Variants in APPL1 observed in about 807,000 individuals in gnomAD.
APPL1 encodes the protein adaptor protein, phosphotyrosine interacting with PH domain and leucine zipper 1.
A neutral mutation model predicts 106.8 loss-of-function variants in APPL1; 42 were observed. The observed-to-expected ratio is 0.39, with a 90% CI of 0.31 to 0.51. The LOEUF is 0.51. Ranked by LOEUF, APPL1 falls within the 20% of genes least tolerant of loss-of-function variation. The pLI is 0.75. For synonymous variants in APPL1, 263 were observed against 281.8 expected, an observed-to-expected ratio of 0.93 and a Z score of 0.67; for missense variants, 769 against 858.2, an observed-to-expected ratio of 0.90 and a Z score of 1.30.
intron 5 of APPL1, among the ~76,000 whole-genome samples, chr3:57,241,552 A>G (rs560360154): frequency 2.6e-5 from 4 of 152,336 alleles, no homozygotes; most frequent in African/African-American, 9.6e-5. Flanking sequence ...GTATTATACT[A>G]TTCTACACCT....
intron 10 of APPL1, 61 bp from the exon 11 acceptor site, chr3:57,249,299 A>G: frequency 1.3e-6 from 2 of 1,567,960 alleles, no homozygotes; most frequent in Non-Finnish European, 1.8e-6. Flanking sequence ...TCTTGTGTCT[A>G]GCTGATGATG....
At chr3:57,248,768 G>T (rs2060788115) in intron 10 of APPL1, among the ~76,000 whole-genome samples, 1 of 152,030 alleles carries the variant, frequency 6.6e-6, no homozygotes, top group Admixed American at 6.5e-5. Flanking sequence ...TACTCAGGAG[G>T]CTGAGACACG....
intron 19 of APPL1, among the ~76,000 whole-genome samples, chr3:57,261,650 C>G (rs1046708967): frequency 6.6e-6 from 1 of 152,146 alleles, no homozygotes; most frequent in South Asian, 2.1e-4. Context: ...TCCCGAGTAG[C>G]TGGGATTACA....
Position 57,259,847 on chromosome 3 carries a change from T to A in APPL1, c.1486T>A (p.Ser496Thr), listed in dbSNP as rs2107608432. 6.3e-7 allele frequency: 1 copy of A among 1,586,878 alleles called. No homozygotes were observed. The highest frequency in any genetic ancestry group is 1.2e-5 in the South Asian group (1 of 86,008). ...GGSTKSETED[S>T]ILHQLFIVRF... Reference sequence around the variant, plus strand: ...TAATACACCTTGTTCTATTATAGATTCTATTCTTCATCAGTTATTTATTGT... The same window carrying A: ...TAATACACCTTGTTCTATTATAGATACTATTCTTCATCAGTTATTTATTGT... Residue 496 changes from serine (S) to threonine (T), a missense_variant and splice_region_variant, in exon 17 of 22, where the codon TCT (serine) becomes ACT (threonine). By Grantham distance (58) the Ser-to-Thr change is moderately conservative. Transcript: ENST00000288266.
At position 57,261,500 on chromosome 3, in the gene APPL1, A is replaced by G. The variant is rs142905458; in HGVS notation, c.1842+726A>G. 4.7e-4 allele frequency among the ~76,000 whole-genome samples: 71 copies of G among 152,126 alleles called. No individual in the cohort carries two copies. In the East Asian group the frequency reaches 0.013, roughly 27 times the overall value. On this transcript the variant is annotated intron_variant, in intron 19 of 21. Transcript: ENST00000288266. ...TAGTGGGATTGTTGGATCGAATGGTAGTTCTATTTTTAGTTTTTGTTGTTG... is the reference window on the plus strand; with the variant it reads ...TAGTGGGATTGTTGGATCGAATGGTGGTTCTATTTTTAGTTTTTGTTGTTG...
At chr3:57,232,876 C>G (rs1579378548) in intron 1 of APPL1, among the ~76,000 whole-genome samples, 1 of 152,214 alleles carries the variant, frequency 6.6e-6, no homozygotes, top group Admixed American at 6.5e-5. Flanking sequence ...GTGGCTGGCA[C>G]CTGTAGTCCC....
rs138494828 is a variant in APPL1, at chr3:57,232,939, G to A, written c.55-2627G>A. On this transcript the variant is annotated intron_variant, in intron 1 of 21. Coordinates refer to ENST00000288266, the MANE Select transcript of APPL1 (RefSeq NM_012096.3). ...ATGGCATGAATCCGGGAGGCGGAGC[G>A]TGCAGTGAGCCAGGATCACACCACT... 5.8e-3 allele frequency among the ~76,000 whole-genome samples: 879 copies of A among 151,988 alleles called. 5 individuals are homozygous for A. Among genetic ancestry groups the A allele is most frequent in the African/African-American group, 0.02 (826 of 41,468 alleles).
Position 57,269,814 on chromosome 3 carries a change from C to A in APPL1, c.*127C>A. ...CTTTATATTTGCTTATTTGTTGTAGCTACATTTTAAAAAAAAGATTGAACT... is the reference window on the plus strand; with the variant it reads ...CTTTATATTTGCTTATTTGTTGTAGATACATTTTAAAAAAAAGATTGAACT... On this transcript the variant is annotated 3_prime_UTR_variant, in exon 22 of 22. Transcript: ENST00000288266. 1.8e-6 allele frequency: 2 copies of A among 1,106,866 alleles called. No individual in the cohort carries two copies. Among genetic ancestry groups the A allele is most frequent in the Non-Finnish European group, 2.5e-6 (2 of 785,370 alleles). 68.6% of individuals were successfully genotyped at this position (1,106,866 alleles called of 1,614,324 possible). A position where few individuals can be genotyped will look rare whatever the true frequency, so the allele number is the denominator to read the frequency against.
chr3:57,259,425 C>G (rs2060853782), intron 16 of APPL1, among the ~76,000 whole-genome samples: 1 of 152,060 alleles, frequency 6.6e-6, no homozygotes. Context: ...TCTAAACTTA[C>G]AGAAATGCTG....
intron 19 of APPL1, among the ~76,000 whole-genome samples, chr3:57,265,385 A>G (rs112427237): frequency 2.6e-5 from 4 of 152,216 alleles, no homozygotes; most frequent in African/African-American, 9.6e-5. Context: ...CCTGGCCTCA[A>G]GTGATCCACC....
At chr3:57,248,163 A>T in intron 9 of APPL1, 30 bp from the exon 10 acceptor site, 2 of 1,583,586 alleles carry the variant, frequency 1.3e-6, no homozygotes, top group Non-Finnish European at 1.7e-6. Context: ...ATTGGTTGTG[A>T]TTTGTAGCAA....
At chr3:57,253,988 C>CTTTG (rs1379229991) in intron 13 of APPL1, among the ~76,000 whole-genome samples, 37 of 152,062 alleles carry the variant, frequency 2.4e-4, no homozygotes, top group African/African-American at 8.0e-4. Context: ...TCAGCCTCAC[C>CTTTG]AGTAGCTGAG....
At chr3:57,230,338 T>C (rs1429528674) in intron 1 of APPL1, among the ~76,000 whole-genome samples, 1 of 152,212 alleles carries the variant, frequency 6.6e-6, no homozygotes, top group Non-Finnish European at 1.5e-5. Flanking sequence ...AAATAATAGT[T>C]GCTTCCTTCA....
At chr3:57,259,290 A>G (rs1051699786) in intron 16 of APPL1, among the ~76,000 whole-genome samples, 1 of 152,206 alleles carries the variant, frequency 6.6e-6, no homozygotes, top group African/African-American at 2.4e-5. Flanking sequence ...AGACTCTCAT[A>G]CTTTTGACTT....
At chr3:57,233,521 A>T (rs2060700300) in intron 1 of APPL1, among the ~76,000 whole-genome samples, 1 of 151,228 alleles carries the variant, frequency 6.6e-6, no homozygotes, top group African/African-American at 2.4e-5. Context: ...GAAGCGGCAG[A>T]TTTTTTTTAA....
At chr3:57,234,386 C>A (rs1395684375) in intron 1 of APPL1, among the ~76,000 whole-genome samples, 1 of 151,166 alleles carries the variant, frequency 6.6e-6, no homozygotes, top group Non-Finnish European at 1.5e-5. Context: ...CAAGCTCCGC[C>A]TCCCAGGTTC....
At chr3:57,269,515 A>C in intron 21 of APPL1, 26 bp from the exon 22 acceptor site, 1 of 1,609,556 alleles carries the variant, frequency 6.2e-7, no homozygotes, top group Non-Finnish European at 8.5e-7. Flanking sequence ...CAAGTAACTT[A>C]GTTTCTTTTT....
At chr3:57,266,697 A>G (rs986982541) in intron 19 of APPL1, among the ~76,000 whole-genome samples, 1 of 151,800 alleles carries the variant, frequency 6.6e-6, no homozygotes, top group African/African-American at 2.4e-5. Flanking sequence ...GATCCTTATA[A>G]TTTCTTGTAG....
chr3:57,242,201 T>C, intron 6 of APPL1, 59 bp downstream of exon 6: 2 of 1,289,486 alleles, frequency 1.6e-6, no homozygotes, highest in Non-Finnish European at 2.2e-6. Flanking sequence ...TATCAGTGCA[T>C]ATCTGTGGCC....
Sources: allele counts gnomAD v4.1 joint callset (sites outside exome capture counted in the v4.1 genomes callset), GRCh38; gene constraint gnomAD v4.1.1; transcripts MANE v1.5; gene names NCBI Gene and HGNC (gene_info 2026-07-23, HGNC 2026-07-21).